The following PSMF1 variants were observed in gnomAD, a reference collection of about 807,000 sequenced individuals.
The protein encoded by PSMF1 is proteasome inhibitor PI31 subunit.
In PSMF1, 30 loss-of-function variants were observed where a neutral mutation model predicts 29.3. The ratio of observed to expected loss-of-function variants is 1.02; its 90% CI spans 0.77 to 1.39. The LOEUF (loss-of-function observed/expected upper bound fraction) is 1.39, where lower values mean the gene tolerates loss of function less well. PSMF1 is among the 40% of genes most tolerant of loss of function. PSMF1 has a pLI of 0.00. For synonymous variants in PSMF1, 134 were observed against 139.7 expected, an observed-to-expected ratio of 0.96 and a Z score of 0.29; for missense variants, 344 against 357.5, an observed-to-expected ratio of 0.96 and a Z score of 0.31.
rs183353129 is a variant in PSMF1, at chr20:1,139,447, A to G, written c.551+4141A>G. Among the ~76,000 whole-genome samples the G allele has an allele frequency of 3.9e-5, 6 of 152,330 alleles. No homozygotes were observed. The East Asian group carries it at 5.8e-4, about 15-fold the overall frequency. On this transcript the variant is annotated intron_variant, in intron 4 of 6. Transcript: ENST00000335877. The stretch of plus-strand genomic sequence containing the variant: ...GAAAGTAGGAAGTAAAAATACCTCT[A>G]TTTGTCAATGACGTGATATCTTGTA...
At chr20:1,135,395 G>T in intron 4 of PSMF1, 89 bp downstream of exon 4, 1 of 1,335,622 alleles carries the variant, frequency 7.5e-7, no homozygotes, top group Admixed American at 2.5e-5. Context: ...CCCCATCCCT[G>T]GCCCGTATGT....
rs535999875 is a variant in PSMF1, at chr20:1,171,192, T to C, written c.*6112T>C. 6.6e-6 allele frequency among the ~76,000 whole-genome samples: 1 copy of C among 152,306 alleles called. No individual in the cohort carries two copies. The highest frequency in any genetic ancestry group is 1.9e-4 in the East Asian group (1 of 5,182). ...AGTCCTATTTGCACAGCGTGCCTCATGCTCCTGAGTACCTCCACCTGCAGC... is the reference window on the plus strand; with the variant it reads ...AGTCCTATTTGCACAGCGTGCCTCACGCTCCTGAGTACCTCCACCTGCAGC... On this transcript the variant is annotated 3_prime_UTR_variant, in exon 7 of 7. Transcript: ENST00000335877.
chr20:1,113,719 G>A (rs192719980), upstream of PSMF1, among the ~76,000 whole-genome samples: 8 of 151,684 alleles, frequency 5.3e-5, no homozygotes, highest in East Asian at 1.9e-4. Flanking sequence ...TTGAGACGGC[G>A]TCTCGCTCTG....
At chr20:1,123,370 A>G (rs6133957) in intron 1 of PSMF1, among the ~76,000 whole-genome samples, 25,359 of 152,086 alleles carry the variant, frequency 0.17, 2,583 homozygotes, top group East Asian at 0.53. Flanking sequence ...CTCCCGCTGT[A>G]TTCTCATGAC....
chr20:1,145,266 A>G (rs932544054), intron 4 of PSMF1, among the ~76,000 whole-genome samples: 3 of 152,194 alleles, frequency 2.0e-5, no homozygotes, highest in African/African-American at 7.2e-5. Context: ...TCTTAAGTCC[A>G]TGGTATTTAT....
At chr20:1,128,939 G>A (rs889984116) in intron 3 of PSMF1, among the ~76,000 whole-genome samples, 6 of 151,946 alleles carry the variant, frequency 3.9e-5, no homozygotes, top group African/African-American at 1.2e-4. Flanking sequence ...GCAGTGGCGC[G>A]ATCTCGGCTC....
rs1168780376 is a variant in PSMF1, at chr20:1,171,376, C to A, written c.*6296C>A. Among the ~76,000 whole-genome samples the A allele has an allele frequency of 6.6e-6, 1 of 152,172 alleles. No individual in the cohort carries two copies. On this transcript the variant is annotated 3_prime_UTR_variant, in exon 7 of 7. Coordinates refer to ENST00000335877, the MANE Select transcript of PSMF1 (RefSeq NM_006814.5). ...GAATGGGCTCGGGCTCTCTGCTGGG[C>A]TCTGTCACCTGGCTCCATGTGCTGC...
At chr20:1,134,914 G>C (rs766060408) in intron 3 of PSMF1, 1 of 665,806 alleles carries the variant, frequency 1.5e-6, no homozygotes, top group South Asian at 1.6e-5. Flanking sequence ...TGCCTAAGAA[G>C]CTTGGGCCCA....
intron 3 of PSMF1, among the ~76,000 whole-genome samples, chr20:1,128,230 TA>T (rs1429817244): frequency 6.6e-6 from 1 of 152,220 alleles, no homozygotes; most frequent in African/African-American, 2.4e-5. Flanking sequence ...GAGTGTCACA[TA>T]GTTGGTATCA....
At chr20:1,160,724 G>A in intron 4 of PSMF1, 1 of 469,508 alleles carries the variant, frequency 2.1e-6, no homozygotes. Context: ...TGGTGGGGAT[G>A]GGCCAGAAGG....
At position 1,135,593 on chromosome 20, in the gene PSMF1, T is replaced by C. The variant is rs571833821; in HGVS notation, c.551+287T>C. On this transcript the variant is annotated intron_variant, in intron 4 of 6. Transcript: ENST00000335877. ...CAAGGATCAGTGCCTCTGGGGCTTA[T>C]GTGCAGTAGTCTAAGGTTGCTGCCC... Among the ~76,000 whole-genome samples, 11 of 152,352 alleles carry C rather than the reference T, an allele frequency of 7.2e-5. No individual in the cohort carries two copies. The South Asian group carries it at 1.7e-3, about 23-fold the overall frequency.
At chr20:1,149,371 T>TA (rs2086497105) in intron 4 of PSMF1, among the ~76,000 whole-genome samples, 5 of 152,250 alleles carry the variant, frequency 3.3e-5, no homozygotes, top group Admixed American at 2.6e-4. Context: ...TACCCGTGTA[T>TA]AATACTATTG....
chr20:1,125,973 A>C (rs1218580907), intron 2 of PSMF1: 1 of 486,624 alleles, frequency 2.1e-6, no homozygotes, highest in East Asian at 6.0e-5. Flanking sequence ...AAATAAATTG[A>C]ATTCTTTGCT....
At chr20:1,161,280 G>A (rs2086664154) in intron 4 of PSMF1, 1 of 320,272 alleles carries the variant, frequency 3.1e-6, no homozygotes, top group East Asian at 7.0e-5. Flanking sequence ...CTTCTCCCTG[G>A]AGAAAAGCTA....
At chr20:1,124,884 G>C (rs930644893) in intron 1 of PSMF1, among the ~76,000 whole-genome samples, 1 of 152,252 alleles carries the variant, frequency 6.6e-6, no homozygotes, top group Non-Finnish European at 1.5e-5. Flanking sequence ...AATTGTTTAA[G>C]AGTGGTGATT....
chr20:1,147,162 CATCATCATCAT>C (rs2086461534), intron 4 of PSMF1, among the ~76,000 whole-genome samples: 3 of 130,370 alleles, frequency 2.3e-5, no homozygotes, highest in East Asian at 2.1e-4. Flanking sequence ...TCATCATCAT[CATCATCATCAT>C]CATCACCACC....
chr20:1,151,891 C>A (rs377265485), intron 4 of PSMF1, among the ~76,000 whole-genome samples: 2 of 152,136 alleles, frequency 1.3e-5, no homozygotes, highest in South Asian at 2.1e-4. Flanking sequence ...GCTATGAAAT[C>A]ATCTTGTAGA....
At chr20:1,143,748 A>G (rs1033788458) in intron 4 of PSMF1, among the ~76,000 whole-genome samples, 6 of 152,208 alleles carry the variant, frequency 3.9e-5, no homozygotes, top group Non-Finnish European at 7.3e-5. Context: ...TCATATCTAG[A>G]TAAAGAACTC....
chr20:1,139,409 G>T (rs965127697), intron 4 of PSMF1, among the ~76,000 whole-genome samples: 1 of 151,954 alleles, frequency 6.6e-6, no homozygotes, highest in Admixed American at 6.6e-5. Context: ...AAAAATAAGG[G>T]GTATCCAGAT....
Sources: allele counts gnomAD v4.1 joint callset (sites outside exome capture counted in the v4.1 genomes callset), GRCh38; gene constraint gnomAD v4.1.1; transcripts MANE v1.5; gene names NCBI Gene and HGNC (gene_info 2026-07-23, HGNC 2026-07-21).